Variants in FSTL5 observed in about 807,000 individuals in gnomAD.
The protein encoded by FSTL5 is follistatin like 5, also known as follistatin-related protein 5.
A neutral mutation model predicts 89.1 loss-of-function variants in FSTL5; 62 were observed. That is an observed-to-expected ratio of 0.70 (90% CI 0.57 to 0.86). The LOEUF (loss-of-function observed/expected upper bound fraction) is 0.86. Ranked by LOEUF, FSTL5 falls within the 40% of genes least tolerant of loss-of-function variation. The pLI is 0.00. For missense variants in FSTL5, 1,057 were observed against 1,001.6 expected (o/e 1.06, Z -0.75); for synonymous variants, 383 against 346.2 (o/e 1.11, Z -1.18).
At chr4:161,690,490 T>C (rs1378368054) in intron 6 of FSTL5, among the ~76,000 whole-genome samples, 2 of 152,098 alleles carry the variant, frequency 1.3e-5, no homozygotes, top group African/African-American at 4.8e-5. Flanking sequence ...TCAAGTCACT[T>C]GCCCATGTTT....
intron 4 of FSTL5, among the ~76,000 whole-genome samples, chr4:161,879,746 T>C (rs1732565166): frequency 6.6e-6 from 1 of 152,210 alleles, no homozygotes; most frequent in Admixed American, 6.5e-5. Context: ...AGTGTCATCT[T>C]ATGTGAAGGA....
chr4:162,112,538 G>T (rs1479266211), intron 1 of FSTL5, among the ~76,000 whole-genome samples: 4 of 152,140 alleles, frequency 2.6e-5, no homozygotes, highest in African/African-American at 4.8e-5. Context: ...GAGCCACTGA[G>T]TCTGGTTCTT....
chr4:162,031,325 T>C (rs1281018672), intron 3 of FSTL5, among the ~76,000 whole-genome samples: 1 of 152,182 alleles, frequency 6.6e-6, no homozygotes, highest in Admixed American at 6.6e-5. Flanking sequence ...AAAGAATTAC[T>C]AGCTGATAAC....
At chr4:161,839,417 A>T (rs1296103462) in intron 4 of FSTL5, among the ~76,000 whole-genome samples, 2 of 152,120 alleles carry the variant, frequency 1.3e-5, no homozygotes, top group East Asian at 3.8e-4. Flanking sequence ...CTAATTTCTA[A>T]TTCTTTAAAA....
At chr4:161,834,362 A>G (rs953436803) in intron 4 of FSTL5, among the ~76,000 whole-genome samples, 1 of 152,102 alleles carries the variant, frequency 6.6e-6, no homozygotes, top group African/African-American at 2.4e-5. Context: ...ATGGGCAAAA[A>G]CTGGAAGCAT....
At chr4:162,157,437 A>C (rs1229545359) in intron 1 of FSTL5, among the ~76,000 whole-genome samples, 1 of 152,066 alleles carries the variant, frequency 6.6e-6, no homozygotes, top group East Asian at 1.9e-4. Flanking sequence ...ATGGACTTCA[A>C]ATCTGGGTCA....
At chr4:161,417,199 G>A (rs780860120) in intron 15 of FSTL5, among the ~76,000 whole-genome samples, 2 of 152,070 alleles carry the variant, frequency 1.3e-5, no homozygotes, top group Non-Finnish European at 1.5e-5. Flanking sequence ...CAGAAATAAC[G>A]CTATTTTATG....
At chr4:161,946,930 C>T (rs13132699) in intron 3 of FSTL5, among the ~76,000 whole-genome samples, 57,803 of 151,978 alleles carry the variant, frequency 0.38, 13,250 homozygotes, top group Non-Finnish European at 0.51. Context: ...GGATGTGGCA[C>T]GGTATCTTAC....
intron 4 of FSTL5, among the ~76,000 whole-genome samples, chr4:161,823,499 C>T (rs1434690076): frequency 6.6e-6 from 1 of 152,214 alleles, no homozygotes; most frequent in Non-Finnish European, 1.5e-5. Context: ...CAACTTTGCT[C>T]CACACCAGAG....
At chr4:162,118,353 C>A (rs1731728769) in intron 1 of FSTL5, among the ~76,000 whole-genome samples, 1 of 152,136 alleles carries the variant, frequency 6.6e-6, no homozygotes, top group African/African-American at 2.4e-5. Flanking sequence ...CTCCGCCTTG[C>A]GGGTTCACGC....
intron 15 of FSTL5, among the ~76,000 whole-genome samples, chr4:161,433,228 T>C (rs995110047): frequency 2.6e-5 from 4 of 151,982 alleles, no homozygotes; most frequent in African/African-American, 9.7e-5. Context: ...TTATTCAACA[T>C]GACCAAGTGT....
chr4:161,616,568 C>A (rs1250933485), intron 7 of FSTL5, among the ~76,000 whole-genome samples: 3 of 152,084 alleles, frequency 2.0e-5, no homozygotes, highest in African/African-American at 7.2e-5. Flanking sequence ...TGGGACTTCA[C>A]CTTGTGATTG....
chr4:161,801,381 G>C (rs563657596), intron 4 of FSTL5, among the ~76,000 whole-genome samples: 2 of 151,538 alleles, frequency 1.3e-5, no homozygotes, highest in Admixed American at 1.3e-4. Context: ...AGAACGAATG[G>C]AGCCTGACAA....
intron 4 of FSTL5, among the ~76,000 whole-genome samples, chr4:161,865,950 AG>A (rs1732071807): frequency 6.6e-6 from 1 of 152,210 alleles, no homozygotes; most frequent in Admixed American, 6.5e-5. Context: ...CAAAATGTAC[AG>A]GTCACAGAAA....
intron 6 of FSTL5, among the ~76,000 whole-genome samples, chr4:161,743,737 C>T (rs1037661851): frequency 1.3e-5 from 2 of 151,974 alleles, no homozygotes; most frequent in African/African-American, 4.8e-5. Context: ...AAAAAATTGG[C>T]ATAGATCAGA....
In FSTL5 at chr4:161,854,661, T is replaced by C. The variant is rs115577927; in HGVS notation, c.409+65743A>G. ...AAATGTCAGGAATAAATAAGTTAGG[T>C]TAAACTACTGTGCAAAATACTAGCT... is the stretch of plus-strand genomic sequence containing the variant. On this transcript the variant is annotated intron_variant, in intron 4 of 15. Coordinates refer to ENST00000306100, the MANE Select transcript of FSTL5 (RefSeq NM_020116.5). Among the ~76,000 whole-genome samples the C allele has an allele frequency of 4.1e-3, 625 of 152,176 alleles. 4 individuals carry two copies. Among genetic ancestry groups the C allele is most frequent in the African/African-American group, 0.015 (606 of 41,538 alleles).
chr4:161,857,749 A>G (rs758750878), intron 4 of FSTL5, among the ~76,000 whole-genome samples: 6 of 152,188 alleles, frequency 3.9e-5, no homozygotes, highest in Non-Finnish European at 7.3e-5. Context: ...CTGGAAGACT[A>G]TGGAAAGAGT....
At chr4:162,090,694 G>T (rs907280481) in intron 2 of FSTL5, among the ~76,000 whole-genome samples, 1 of 151,772 alleles carries the variant, frequency 6.6e-6, no homozygotes. Flanking sequence ...GGTGGTGCAC[G>T]CCTGTAATCC....
At chr4:161,490,270 C>T (rs1434383519) in intron 12 of FSTL5, among the ~76,000 whole-genome samples, 2 of 152,060 alleles carry the variant, frequency 1.3e-5, no homozygotes, top group East Asian at 3.8e-4. Context: ...CTCCTTTCTC[C>T]CCCTTAAATG....
Sources: allele counts gnomAD v4.1 joint callset (sites outside exome capture counted in the v4.1 genomes callset), GRCh38; gene constraint gnomAD v4.1.1; transcripts MANE v1.5; gene names NCBI Gene and HGNC (gene_info 2026-07-23, HGNC 2026-07-21).